Variants in IQGAP2 observed in about 807,000 individuals in gnomAD.
IQGAP2 encodes the protein ras GTPase-activating-like protein IQGAP2.
A neutral mutation model predicts 201.3 loss-of-function variants in IQGAP2; 173 were observed. The ratio of observed to expected loss-of-function variants is 0.86; its 90% CI spans 0.76 to 0.98. The LOEUF (loss-of-function observed/expected upper bound fraction) is 0.98. Ranked by LOEUF, IQGAP2 falls within the 50% of genes least tolerant of loss-of-function variation. IQGAP2 has a pLI of 0.00. For synonymous variants in IQGAP2, 675 were observed against 673.9 expected (o/e 1.00, Z -0.03); for missense variants, 1,687 against 1,864.8 (o/e 0.90, Z 1.76).
chr5:76,425,656 T>A (rs1751954634), intron 1 of IQGAP2, among the ~76,000 whole-genome samples: 2 of 152,200 alleles, frequency 1.3e-5, no homozygotes, highest in South Asian at 4.1e-4. Flanking sequence ...AAAACCCACA[T>A]TAGTTCTCAT....
At chr5:76,472,268 GA>G (rs1755155003) in intron 2 of IQGAP2, among the ~76,000 whole-genome samples, 1 of 152,248 alleles carries the variant, frequency 6.6e-6, no homozygotes, top group Non-Finnish European at 1.5e-5. Flanking sequence ...TAGCTTGGCA[GA>G]GTTGGAGAGG....
intron 2 of IQGAP2, among the ~76,000 whole-genome samples, chr5:76,550,389 T>C (rs1039403647): frequency 6.9e-6 from 1 of 144,630 alleles, no homozygotes; most frequent in Non-Finnish European, 1.5e-5. Context: ...CATTCTTGGG[T>C]GTTTCTCGGA....
intron 5 of IQGAP2, among the ~76,000 whole-genome samples, chr5:76,579,412 A>C (rs1200053357): frequency 6.6e-6 from 1 of 150,998 alleles, no homozygotes; most frequent in Non-Finnish European, 1.5e-5. Flanking sequence ...GACCCTGGCC[A>C]CAGGCATCAG....
chr5:76,653,274 G>A (rs766303405), intron 18 of IQGAP2, among the ~76,000 whole-genome samples: 3 of 152,110 alleles, frequency 2.0e-5, no homozygotes, highest in Admixed American at 1.3e-4. Flanking sequence ...TGAATTAGTC[G>A]AACCCAGGTG....
chr5:76,555,464 G>C (rs1259611074), intron 2 of IQGAP2, among the ~76,000 whole-genome samples: 2 of 152,228 alleles, frequency 1.3e-5, no homozygotes, highest in African/African-American at 2.4e-5. Flanking sequence ...CAGACTTCCT[G>C]AACATCAGGC....
At chr5:76,666,563 A>G (rs1352812009) in intron 22 of IQGAP2, among the ~76,000 whole-genome samples, 2 of 152,238 alleles carry the variant, frequency 1.3e-5, no homozygotes, top group East Asian at 1.9e-4. Context: ...CTTGATCCGC[A>G]AACAATCCAA....
chr5:76,441,056 C>A (rs1363295806), intron 1 of IQGAP2, among the ~76,000 whole-genome samples: 4 of 151,116 alleles, frequency 2.6e-5, no homozygotes, highest in Non-Finnish European at 5.9e-5. Context: ...AGGAGTAGGG[C>A]CCTGAAGCCA....
intron 2 of IQGAP2, among the ~76,000 whole-genome samples, chr5:76,552,326 A>G (rs1335099166): frequency 6.6e-6 from 1 of 152,150 alleles, no homozygotes; most frequent in South Asian, 2.1e-4. Flanking sequence ...TTAGGGAGTG[A>G]TTGTCCAGTC....
chr5:76,488,445 T>C (rs930161325), intron 2 of IQGAP2, among the ~76,000 whole-genome samples: 2 of 152,246 alleles, frequency 1.3e-5, no homozygotes, highest in African/African-American at 4.8e-5. Flanking sequence ...AAGATTGACC[T>C]AGGGGAGCAG....
At chr5:76,419,350 T>TTTGTA in intron 1 of IQGAP2, among the ~76,000 whole-genome samples, 1 of 151,640 alleles carries the variant, frequency 6.6e-6, no homozygotes, top group East Asian at 1.9e-4. Flanking sequence ...TTTGTTTTGT[T>TTTGTA]TTGTTTTATG....
chr5:76,447,407 A>G lies in IQGAP2; in HGVS notation c.47-14163A>G, dbSNP rs1753457605. 4.6e-5 allele frequency among the ~76,000 whole-genome samples: 7 copies of G among 152,280 alleles called. No homozygotes were observed. The South Asian group carries it at 1.2e-3, about 27-fold the overall frequency. On this transcript the variant is annotated intron_variant, in intron 1 of 35. Coordinates refer to ENST00000274364, the MANE Select transcript of IQGAP2 (RefSeq NM_006633.5). ...ATAAACCTGGGCATTCAAGCCGGCA[A>G]TGGCAACCCCCTTTGGGTCCCCTCC...
chr5:76,465,787 G>A (rs1754740226), intron 2 of IQGAP2, among the ~76,000 whole-genome samples: 1 of 152,074 alleles, frequency 6.6e-6, no homozygotes, highest in Non-Finnish European at 1.5e-5. Context: ...TTCACTATAT[G>A]ATAGCATTAA....
intron 2 of IQGAP2, among the ~76,000 whole-genome samples, chr5:76,501,331 A>G (rs115418489): frequency 0.015 from 2,220 of 152,192 alleles, 64 homozygotes; most frequent in African/African-American, 0.051. Context: ...TGGGAAGCTG[A>G]GGTGGGGGGG....
At chr5:76,415,284 T>A (rs1022853738) in intron 1 of IQGAP2, among the ~76,000 whole-genome samples, 1 of 152,258 alleles carries the variant, frequency 6.6e-6, no homozygotes, top group Non-Finnish European at 1.5e-5. Context: ...TGGTCAATGC[T>A]GTATCCCCAC....
intron 1 of IQGAP2, among the ~76,000 whole-genome samples, chr5:76,457,979 G>A (rs867259954): frequency 6.6e-6 from 1 of 152,208 alleles, no homozygotes; most frequent in Non-Finnish European, 1.5e-5. Flanking sequence ...AACTGTGGAG[G>A]TTGCAGTTAA....
At chr5:76,506,286 C>G (rs1757601541) in intron 2 of IQGAP2, among the ~76,000 whole-genome samples, 1 of 152,220 alleles carries the variant, frequency 6.6e-6, no homozygotes, top group South Asian at 2.1e-4. Context: ...TCACCTTCCT[C>G]ACCCTCATTC....
chr5:76,423,718 A>T (rs896661005), intron 1 of IQGAP2, among the ~76,000 whole-genome samples: 2 of 152,202 alleles, frequency 1.3e-5, no homozygotes, highest in African/African-American at 4.8e-5. Context: ...GAAGTAGCAG[A>T]TATGCAAGAA....
At chr5:76,511,479 C>G (rs1264756600) in intron 2 of IQGAP2, among the ~76,000 whole-genome samples, 1 of 152,190 alleles carries the variant, frequency 6.6e-6, no homozygotes, top group African/African-American at 2.4e-5. Context: ...CACTTAGGTG[C>G]CCTTGGCCTG....
intron 5 of IQGAP2, among the ~76,000 whole-genome samples, chr5:76,585,176 A>G (rs972399947): frequency 1.3e-5 from 2 of 152,236 alleles, no homozygotes; most frequent in African/African-American, 4.8e-5. Context: ...GATAATAGAT[A>G]CCAATTAGTT....
Sources: gnomAD v4.1 joint callset for allele counts (sites outside exome capture counted in the v4.1 genomes callset) on GRCh38, gnomAD v4.1.1 for gene constraint, MANE v1.5 for transcripts, NCBI Gene and HGNC (gene_info 2026-07-23, HGNC 2026-07-21) for gene names.